PCDHA7: variants seen among roughly 807,000 people sequenced by gnomAD.
PCDHA7 encodes the protein protocadherin alpha 7, also known as protocadherin alpha-7.
In PCDHA7, 37 loss-of-function variants were observed where a neutral mutation model predicts 57.2. That is an observed-to-expected ratio of 0.65 (90% CI 0.50 to 0.85). The LOEUF (loss-of-function observed/expected upper bound fraction) is 0.85. Ranked by LOEUF, PCDHA7 falls within the 40% of genes least tolerant of loss-of-function variation. The pLI is 0.00. For synonymous variants in PCDHA7, 553 were observed against 558.8 expected, an observed-to-expected ratio of 0.99 and a Z score of 0.15; for missense variants, 1,188 against 1,241.8, an observed-to-expected ratio of 0.96 and a Z score of 0.65.
At chr5:140,854,372 C>A in intron 1 of PCDHA7, 1 of 156,718 alleles carries the variant, frequency 6.4e-6, no homozygotes, top group South Asian at 2.0e-4. Context: ...TATTTTGATA[C>A]ATAACTCATT....
chr5:140,976,788 G>A (rs969853431), intron 1 of PCDHA7, among the ~76,000 whole-genome samples: 4 of 152,218 alleles, frequency 2.6e-5, no homozygotes, highest in Middle Eastern at 3.4e-3. Flanking sequence ...ATATAGCTAC[G>A]CTTTTATGAA....
intron 1 of PCDHA7, chr5:140,930,423 A>C (rs1366004853): frequency 6.6e-6 from 1 of 151,862 alleles, no homozygotes; most frequent in Non-Finnish European, 1.5e-5. Flanking sequence ...GGGTCTCACT[A>C]TGTTGCCCAG....
intron 3 of PCDHA7, among the ~76,000 whole-genome samples, chr5:141,000,339 ATC>A (rs1414297743): frequency 2.0e-5 from 2 of 102,334 alleles, no homozygotes; most frequent in Admixed American, 1.0e-4. Context: ...GCAAGGCCCT[ATC>A]TCTCTCTCTG....
At chr5:140,978,716 T>C (rs1317618418) in intron 1 of PCDHA7, among the ~76,000 whole-genome samples, 2 of 152,252 alleles carry the variant, frequency 1.3e-5, no homozygotes, top group African/African-American at 4.8e-5. Flanking sequence ...CTTTACAAGA[T>C]TATTAAATCT....
chr5:140,886,917 T>C (rs893093876), intron 1 of PCDHA7, among the ~76,000 whole-genome samples: 12 of 152,044 alleles, frequency 7.9e-5, no homozygotes, highest in Non-Finnish European at 1.8e-4. Flanking sequence ...TTATTGAGTG[T>C]TCTCTATGTG....
At chr5:140,889,479 T>C (rs1399086830) in intron 1 of PCDHA7, among the ~76,000 whole-genome samples, 1 of 152,184 alleles carries the variant, frequency 6.6e-6, no homozygotes, top group Admixed American at 6.5e-5. Context: ...GCTCATACTT[T>C]CTACAGAATC....
intron 1 of PCDHA7, chr5:140,882,902 C>T (rs1554176043): frequency 6.2e-7 from 1 of 1,614,196 alleles, no homozygotes; most frequent in Admixed American, 1.7e-5. Flanking sequence ...TAGTTTATTA[C>T]TGACAGCCAG....
chr5:140,914,928 T>C lies in PCDHA7; in HGVS notation c.2356-64021T>C, dbSNP rs75399267. On this transcript the variant is annotated intron_variant, in intron 1 of 3. Coordinates refer to ENST00000525929, the MANE Select transcript of PCDHA7 (RefSeq NM_018910.3). ...TGTTTCTCTGTGTCTTATTGTACTA[T>C]GTTGTGAAAAGTTGTCTTTTTTTTT... Among the ~76,000 whole-genome samples the C allele has an allele frequency of 4.6e-3, 691 of 150,904 alleles. 3 individuals carry two copies. The highest frequency in any genetic ancestry group is 0.016 in the African/African-American group (668 of 41,182).
chr5:140,998,241 T>C (rs1554256206), intron 3 of PCDHA7, among the ~76,000 whole-genome samples: 1 of 152,194 alleles, frequency 6.6e-6, no homozygotes, highest in African/African-American at 2.4e-5. Context: ...TGCATTATTA[T>C]ACTCATTTTA....
intron 1 of PCDHA7, chr5:140,871,242 G>T: frequency 6.2e-7 from 1 of 1,613,980 alleles, no homozygotes; most frequent in South Asian, 1.1e-5. Flanking sequence ...TGGTACTCAC[G>T]CTGCTGCTGT....
chr5:140,973,799 A>G (rs1470568019), intron 1 of PCDHA7, among the ~76,000 whole-genome samples: 1 of 152,254 alleles, frequency 6.6e-6, no homozygotes, highest in African/African-American at 2.4e-5. Flanking sequence ...CATGCTGTCT[A>G]CTTGACAGAA....
At chr5:140,882,339 G>A (rs1554173610) in intron 1 of PCDHA7, 1 of 1,614,162 alleles carries the variant, frequency 6.2e-7, no homozygotes, top group Admixed American at 1.7e-5. Flanking sequence ...CTCGCAGCCT[G>A]GGAGACGGGT....
At chr5:140,852,778 A>T (rs2150522420) in intron 1 of PCDHA7, 1 of 980,232 alleles carries the variant, frequency 1.0e-6, no homozygotes, top group East Asian at 1.1e-4. Flanking sequence ...TTTGATGTGA[A>T]TAGAGGGATG....
At chr5:140,862,334 C>A in intron 1 of PCDHA7, 1 of 329,810 alleles carries the variant, frequency 3.0e-6, no homozygotes, top group Non-Finnish European at 6.0e-6. Flanking sequence ...TGTAATTGAC[C>A]CTAACTTCAG....
chr5:140,944,807 A>T (rs1472832230), intron 1 of PCDHA7, among the ~76,000 whole-genome samples: 1 of 152,214 alleles, frequency 6.6e-6, no homozygotes, highest in Non-Finnish European at 1.5e-5. Context: ...TCGAGGGTCC[A>T]CAGTGATCTT....
intron 1 of PCDHA7, chr5:140,877,865 T>C (rs1554170196): frequency 1.3e-6 from 2 of 1,496,610 alleles, no homozygotes; most frequent in South Asian, 2.8e-5. Flanking sequence ...TATTTAGATA[T>C]ATTTGTTTCC....
intron 1 of PCDHA7, chr5:140,842,447 G>A: frequency 6.2e-7 from 1 of 1,613,790 alleles, no homozygotes; most frequent in Non-Finnish European, 8.5e-7. Context: ...TAGCGTGAAC[G>A]ACCTCGATTC....
At chr5:140,935,402 A>T (rs1297077002) in intron 1 of PCDHA7, among the ~76,000 whole-genome samples, 2 of 152,212 alleles carry the variant, frequency 1.3e-5, no homozygotes, top group Non-Finnish European at 2.9e-5. Flanking sequence ...ACGGGACTCA[A>T]ACAATGGACT....
intron 1 of PCDHA7, chr5:140,861,156 A>T (rs782717452): frequency 6.5e-6 from 1 of 154,840 alleles, no homozygotes; most frequent in Non-Finnish European, 1.4e-5. Context: ...ACAAGGACCA[A>T]AAGGTCTCAG....
Sources: allele counts gnomAD v4.1 joint callset (sites outside exome capture counted in the v4.1 genomes callset), GRCh38; gene constraint gnomAD v4.1.1; transcripts MANE v1.5; gene names NCBI Gene and HGNC (gene_info 2026-07-23, HGNC 2026-07-21).